SEC16B: variants seen among roughly 807,000 people sequenced by gnomAD.
The protein encoded by SEC16B is SEC16 homolog B, endoplasmic reticulum export factor.
A neutral mutation model predicts 141.8 loss-of-function variants in SEC16B; 115 were observed. That is an observed-to-expected ratio of 0.81 (90% CI 0.70 to 0.95). The LOEUF (loss-of-function observed/expected upper bound fraction) is 0.95, where lower values mean the gene tolerates loss of function less well. Among genes scored for constraint, SEC16B ranks in the 40% least tolerant of loss-of-function variants. The pLI is 0.00. For synonymous variants in SEC16B, 493 were observed against 492.5 expected (o/e 1.00, Z -0.01); for missense variants, 1,291 against 1,312.3 (o/e 0.98, Z 0.25).
At chr1:177,940,582 C>A (rs377403531) in intron 17 of SEC16B, 28 bp downstream of exon 17, 22 of 1,534,136 alleles carry the variant, frequency 1.4e-5, no homozygotes, top group Non-Finnish European at 2.0e-5. Context: ...GCCAGTCCCC[C>A]CAACGCCCTG....
At chr1:177,941,426 G>A (rs144250722) in intron 16 of SEC16B, among the ~76,000 whole-genome samples, 1 of 152,072 alleles carries the variant, frequency 6.6e-6, no homozygotes, top group Admixed American at 6.6e-5. Context: ...TTGCTTGATT[G>A]TTGTTTTCTT....
At chr1:177,974,234 T>G (rs569789644), upstream of SEC16B, among the ~76,000 whole-genome samples, 1 of 151,798 alleles carries the variant, frequency 6.6e-6, no homozygotes, top group Non-Finnish European at 1.5e-5. Flanking sequence ...GACACAGAGG[T>G]GAGTATGGTC....
At chr1:177,962,176 C>T (rs771583313) in intron 5 of SEC16B, among the ~76,000 whole-genome samples, 12 of 152,148 alleles carry the variant, frequency 7.9e-5, no homozygotes, top group East Asian at 2.0e-4. Context: ...TGGGTTCAAG[C>T]GATTCTTCTG....
At chr1:177,941,816 A>G in intron 16 of SEC16B, 84 bp downstream of exon 16, 1 of 1,457,900 alleles carries the variant, frequency 6.9e-7, no homozygotes, top group Non-Finnish European at 9.3e-7. Flanking sequence ...AAGAAGATGA[A>G]ATGTAGAGTC....
Position 177,967,893 on chromosome 1 carries a change from T to C in SEC16B, c.89A>G (p.Asp30Gly), listed in dbSNP as rs1412026252. The C allele has an allele frequency of 1.2e-6, 2 of 1,613,856 alleles. No individual in the cohort carries two copies. The highest frequency in any genetic ancestry group is 1.3e-5 in the African/African-American group (1 of 74,914). The part of the protein sequence containing the change: ...SKDPDRGFRR[D>G]GHHRPVPHSW... Reference sequence around the variant, plus strand: ...GTGAGGGACAGGCCGATGATGTCCATCTCTCCGAAACCCTCGGTCTGGATC... The same window carrying C: ...GTGAGGGACAGGCCGATGATGTCCACCTCTCCGAAACCCTCGGTCTGGATC... The change falls in exon 2 of 26, where the codon GAT becomes GGT. Residue 30 changes from aspartate (D) to glycine (G), a missense_variant. Asp to Gly is a moderately conservative substitution (Grantham distance 94). This residue lies in a region of SEC16B where 681 missense variants were observed against 675.5 expected (regional missense o/e 1.01). Coordinates refer to ENST00000308284, the MANE Select transcript of SEC16B (RefSeq NM_033127.4).
chr1:177,973,332 C>A (rs1408927362), upstream of SEC16B: 1 of 152,030 alleles, frequency 6.6e-6, no homozygotes, highest in Non-Finnish European at 1.5e-5. Context: ...ATTTAGAAAA[C>A]AAGTTGAGAA....
chr1:177,968,969 G>GTT (rs1209665393), intron 1 of SEC16B, among the ~76,000 whole-genome samples: 1 of 152,172 alleles, frequency 6.6e-6, no homozygotes, highest in Non-Finnish European at 1.5e-5. Flanking sequence ...TACCTTCCAG[G>GTT]TTCCTCTGCC....
intron 13 of SEC16B, 70 bp downstream of exon 13, chr1:177,947,755 A>AAGGGACAGGGAAGGGAGGTGAGGGG: frequency 1.9e-6 from 1 of 517,896 alleles, no homozygotes; most frequent in South Asian, 2.0e-5. Flanking sequence ...GAGGTGAGGA[A>AAGGGACAGGGAAGGGAGGTGAGGGG]AGGGACAGGG....
chr1:177,937,195 C>A lies in SEC16B; in HGVS notation c.2503+19G>T. The A allele has an allele frequency of 1.3e-6, 2 of 1,589,184 alleles. No homozygotes were observed. The highest frequency in any genetic ancestry group is 2.3e-5 in the South Asian group (2 of 86,374). On this transcript the variant is annotated intron_variant, in intron 19 of 25. Transcript: ENST00000308284. ...CAGACCCTACATTCAATGTGGCCAC[C>A]CTAGCGGCCAGGTCTTACCAGGGCC... is the stretch of plus-strand genomic sequence containing the variant.
chr1:177,962,944 TA>T (rs1374761474), intron 5 of SEC16B, among the ~76,000 whole-genome samples: 434 of 145,052 alleles, frequency 3.0e-3, no homozygotes, highest in Admixed American at 0.021. Context: ...CCATCTCTAC[TA>T]AAAAATACAA....
chr1:177,967,835 C>T lies in SEC16B; in HGVS notation c.147G>A (p.Trp49Ter), dbSNP rs758261941. 1.9e-6 allele frequency: 3 copies of T among 1,613,978 alleles called. No individual in the cohort carries two copies. Among genetic ancestry groups the T allele is most frequent in the East Asian group, 4.5e-5 (2 of 44,868 alleles). ...GCTGGGGGCTCCCACGGTTGTCTTG[C>T]CATTGGTGAAACCTCTCTCCATTGT... Reference protein sequence around the residue: ...SWHNGERFHQWQDNRGSPQPQ... With the variant: ...SWHNGERFHQ Residue 49 changes from tryptophan (W) to a stop codon, truncating the protein, a stop_gained, in exon 2 of 26, where the codon TGG (tryptophan) becomes TGA (stop). Transcript: ENST00000308284. LOFTEE classifies it high-confidence loss of function.
intron 24 of SEC16B, among the ~76,000 whole-genome samples, chr1:177,931,012 A>G (rs1650374136): frequency 6.6e-6 from 1 of 152,206 alleles, no homozygotes; most frequent in Non-Finnish European, 1.5e-5. Context: ...GAAAAACAGT[A>G]TGAAGATTCC....
chr1:177,946,564 G>C, intron 13 of SEC16B, 33 bp from the exon 14 acceptor site: 1 of 1,498,192 alleles, frequency 6.7e-7, no homozygotes, highest in Non-Finnish European at 9.1e-7. Flanking sequence ...CCCAATCACG[G>C]AGCACACCCG....
At chr1:177,966,116 G>T (rs928231430) in intron 2 of SEC16B, 111 bp from the exon 3 acceptor site, 15 of 574,040 alleles carry the variant, frequency 2.6e-5, no homozygotes, top group Non-Finnish European at 4.4e-5. Context: ...TGTGACCCCA[G>T]CCTAGAATCT....
At chr1:177,972,905 C>A (rs1189631109), upstream of SEC16B, among the ~76,000 whole-genome samples, 3 of 152,160 alleles carry the variant, frequency 2.0e-5, no homozygotes, top group African/African-American at 7.2e-5. Flanking sequence ...TCTCTCTGCT[C>A]TCTGGTGTGT....
At position 177,960,870 on chromosome 1, in the gene SEC16B, G is replaced by A; in HGVS notation, c.857C>T (p.Pro286Leu). 2 of 1,602,588 alleles carry A rather than the reference G, an allele frequency of 1.2e-6. No individual in the cohort carries two copies. The highest frequency in any genetic ancestry group is 1.7e-6 in the Non-Finnish European group (2 of 1,172,618). ...ACCTACATGCACCAGCTGACCTCCT[G>A]GCCCGAAACTCACAGGAACATGAGG... ...YIPHVPVSFG[P>L]GGQLVHVGPS... Residue 286 changes from proline to leucine, a missense_variant, in exon 7 of 26, where the codon CCA becomes CTA. By Grantham distance (98) the Pro-to-Leu change is moderately conservative. Around this residue, in one of 3 missense-constraint regions of SEC16B, gnomAD observed 681 missense variants for 675.5 expected, o/e 1.01. Transcript: ENST00000308284.
In SEC16B at chr1:177,965,999, A is replaced by G; in HGVS notation, c.306T>C (p.Gly102=). The G allele has an allele frequency of 6.4e-7, 1 of 1,571,492 alleles. No homozygotes were observed. Among genetic ancestry groups the G allele is most frequent in the Non-Finnish European group, 8.7e-7 (1 of 1,152,926 alleles). ...GYRNQLYSRP[G]YENSYQSYQS... ...GATAGCTCTGATATGAATTCTCATA[A>G]CCTGGCCTAAAATATCACAAAGAAG... Residue 102 remains glycine, a synonymous_variant, in exon 3 of 26, where the codon GGT becomes GGC. Transcript: ENST00000308284.
In SEC16B at chr1:177,932,619, C is replaced by G. The variant is rs995487712; in HGVS notation, c.2933-50G>C. ...TTTCCTCTGCTCAGGACTGGGGGTC[C>G]CCACTCCCAGAAGGCACCCCAACCC... is the stretch of plus-strand genomic sequence containing the variant. On this transcript the variant is annotated intron_variant, in intron 23 of 25. Transcript: ENST00000308284. The G allele has an allele frequency of 5.3e-6, 8 of 1,502,062 alleles. No homozygotes were observed. In the Admixed American group the frequency reaches 9.2e-5, roughly 17 times the overall value. The allele number at this position is 1,502,062 out of a possible 1,614,324, so 93.0% of individuals were successfully genotyped here.
chr1:177,937,369 T>A lies in SEC16B; in HGVS notation c.2348A>T (p.Tyr783Phe). The change falls in exon 19 of 26, where the codon TAC becomes TTC. Residue 783 changes from tyrosine (Y) to phenylalanine (F), a missense_variant. By Grantham distance (22) the Tyr-to-Phe change is conservative. This residue lies in a region of SEC16B where 605 missense variants were observed against 614.1 expected (regional missense o/e 0.99). Coordinates refer to ENST00000308284, the MANE Select transcript of SEC16B (RefSeq NM_033127.4). ...QQPFPLQPGS[Y>F]PAGGGAGQTG... ...CTGCCCTGCACCCCCTCCTGCTGGG[T>A]AGGAGCCCGGCTGGAGGGGAAAGGG... 1 of 1,613,030 alleles carries A rather than the reference T, an allele frequency of 6.2e-7. No individual in the cohort carries two copies. Among genetic ancestry groups the A allele is most frequent in the African/African-American group, 1.3e-5 (1 of 74,976 alleles).
Sources: gnomAD v4.1 joint callset for allele counts (sites outside exome capture counted in the v4.1 genomes callset) on GRCh38, gnomAD v4.1.1 for gene constraint, gnomAD v4.1.1 regional missense constraint, MANE v1.5 for transcripts, NCBI Gene and HGNC (gene_info 2026-07-23, HGNC 2026-07-21) for gene names.